TBC1D5: variants seen among roughly 807,000 people sequenced by gnomAD.
The protein encoded by TBC1D5 is TBC1 domain family, member 5.
Under a neutral mutation model 100.3 loss-of-function variants are expected in TBC1D5, and 75 were observed. That is an observed-to-expected ratio of 0.75 (90% CI 0.62 to 0.91). The LOEUF (loss-of-function observed/expected upper bound fraction) is 0.91, where lower values mean the gene tolerates loss of function less well. Among genes scored for constraint, TBC1D5 ranks in the 40% least tolerant of loss-of-function variants. The probability of loss-of-function intolerance (pLI) is 0.00; values close to 1 mark genes in which losing one functional copy is unlikely to be tolerated. For missense variants in TBC1D5, 910 were observed against 942.4 expected, an observed-to-expected ratio of 0.97 and a Z score of 0.45; for synonymous variants, 323 against 325.6, an observed-to-expected ratio of 0.99 and a Z score of 0.09.
At chr3:17,167,140 C>T (rs1025872336) in intron 20 of TBC1D5, among the ~76,000 whole-genome samples, 6 of 152,294 alleles carry the variant, frequency 3.9e-5, no homozygotes, top group African/African-American at 1.2e-4. Context: ...AACGTCAGGA[C>T]ATTTAATAGC....
intron 3 of TBC1D5, among the ~76,000 whole-genome samples, chr3:17,437,055 G>C (rs1300154447): frequency 4.6e-5 from 7 of 152,154 alleles, no homozygotes; most frequent in African/African-American, 1.7e-4. Context: ...CTACACTTAT[G>C]AATTAATTAA....
intron 2 of TBC1D5, among the ~76,000 whole-genome samples, chr3:17,533,209 C>T (rs768385013): frequency 6.6e-6 from 1 of 152,030 alleles, no homozygotes; most frequent in Non-Finnish European, 1.5e-5. Context: ...TCTATTTCCC[C>T]ATACAATTAA....
chr3:17,406,376 T>G (rs1177123239), intron 5 of TBC1D5, 42 bp downstream of exon 5: 21 of 1,564,210 alleles, frequency 1.3e-5, no homozygotes, highest in Non-Finnish European at 1.7e-5. Context: ...AATGTGTTGA[T>G]ATATTGCAAC....
chr3:17,350,333 A>G (rs746123337), intron 13 of TBC1D5, among the ~76,000 whole-genome samples: 2 of 152,208 alleles, frequency 1.3e-5, no homozygotes, highest in African/African-American at 2.4e-5. Context: ...GACAAAGAAT[A>G]AAAGTGATAG....
intron 13 of TBC1D5, among the ~76,000 whole-genome samples, chr3:17,329,589 A>C (rs185377944): frequency 2.4e-4 from 36 of 152,332 alleles, no homozygotes; most frequent in African/African-American, 8.4e-4. Flanking sequence ...TGTAAACTCA[A>C]TTTTGCAAAG....
intron 3 of TBC1D5, among the ~76,000 whole-genome samples, chr3:17,456,823 A>C (rs913802853): frequency 6.6e-6 from 1 of 152,234 alleles, no homozygotes; most frequent in Admixed American, 6.5e-5. Flanking sequence ...AAAAAGGAAC[A>C]AAGTACGGAT....
At chr3:17,281,995 A>G (rs936401704) in intron 15 of TBC1D5, among the ~76,000 whole-genome samples, 1 of 152,214 alleles carries the variant, frequency 6.6e-6, no homozygotes, top group Non-Finnish European at 1.5e-5. Flanking sequence ...CAGAAATACT[A>G]AGAAGTCCCT....
chr3:17,421,169 A>C (rs2094198505), intron 4 of TBC1D5, among the ~76,000 whole-genome samples: 1 of 152,246 alleles, frequency 6.6e-6, no homozygotes, highest in Non-Finnish European at 1.5e-5. Flanking sequence ...AGATACTATC[A>C]TAAAAATAAT....
chr3:17,255,540 C>T (rs1003133791), intron 16 of TBC1D5, among the ~76,000 whole-genome samples: 5 of 152,052 alleles, frequency 3.3e-5, no homozygotes, highest in Admixed American at 6.6e-5. Flanking sequence ...ATTCTTCATA[C>T]ATTAATGATA....
chr3:17,185,059 T>C (rs1270369920), intron 19 of TBC1D5, 50 bp downstream of exon 20: 11 of 1,521,794 alleles, frequency 7.2e-6, no homozygotes, highest in Non-Finnish European at 1.0e-5. Context: ...TGCTAGTGGC[T>C]ATTATTGTGA....
intron 2 of TBC1D5, among the ~76,000 whole-genome samples, chr3:17,595,942 C>T (rs1324319281): frequency 2.6e-5 from 4 of 152,164 alleles, no homozygotes; most frequent in African/African-American, 4.8e-5. Flanking sequence ...TAGGGTTGTG[C>T]ATCACTATTA....
At chr3:17,538,652 T>A (rs1202436234) in intron 2 of TBC1D5, among the ~76,000 whole-genome samples, 1 of 152,188 alleles carries the variant, frequency 6.6e-6, no homozygotes, top group African/African-American at 2.4e-5. Context: ...GAGGCAAGAA[T>A]CAAGTTGTTG....
At chr3:17,588,579 C>T (rs1188141282) in intron 2 of TBC1D5, among the ~76,000 whole-genome samples, 1 of 152,028 alleles carries the variant, frequency 6.6e-6, no homozygotes, top group East Asian at 1.9e-4. Context: ...AATTAACATG[C>T]ATATTTAACG....
At chr3:17,658,479 A>G (rs1006176055) in intron 1 of TBC1D5, among the ~76,000 whole-genome samples, 15 of 152,180 alleles carry the variant, frequency 9.9e-5, no homozygotes, top group African/African-American at 3.6e-4. Context: ...TAATAGGGGA[A>G]GGGAAGGGTA....
intron 15 of TBC1D5, among the ~76,000 whole-genome samples, chr3:17,279,063 T>C (rs977242655): frequency 2.0e-5 from 3 of 152,258 alleles, no homozygotes; most frequent in East Asian, 1.9e-4. Context: ...AATGTTACCA[T>C]TACCTTGAAG....
At chr3:17,718,812 TA>T (rs1415321900) in intron 1 of TBC1D5, among the ~76,000 whole-genome samples, 2 of 152,026 alleles carry the variant, frequency 1.3e-5, no homozygotes, top group African/African-American at 4.8e-5. Flanking sequence ...TACCATTTAA[TA>T]AATATATACA....
intron 8 of TBC1D5, among the ~76,000 whole-genome samples, chr3:17,388,689 A>AC (rs2152298304): frequency 6.6e-6 from 1 of 151,068 alleles, no homozygotes; most frequent in South Asian, 2.1e-4. Context: ...CCTTTACAAA[A>AC]AAAAAAAAAA....
rs1016166424 is a variant in TBC1D5, at chr3:17,721,464, T to C, written c.-101+17879A>G. ...AAAAGTAAGTGTGTGAGAGCATGTG[T>C]GTGTGTGTGTGTGTGTGTGTGTGTT... On this transcript the variant is annotated intron_variant, in intron 1 of 21. Coordinates refer to ENST00000253692, the Ensembl canonical transcript of TBC1D5. Among the ~76,000 whole-genome samples the C allele has an allele frequency of 3.4e-3, 455 of 133,652 alleles. 8 individuals are homozygous for C. Among genetic ancestry groups the C allele is most frequent in the South Asian group, 2.0e-3 (9 of 4,518 alleles). 87.7% of individuals were successfully genotyped at this position (133,652 alleles called of 152,430 possible). A position where few individuals can be genotyped will look rare whatever the true frequency, so the allele number is the denominator to read the frequency against.
intron 2 of TBC1D5, among the ~76,000 whole-genome samples, chr3:17,568,505 T>C (rs1172907120): frequency 1.3e-5 from 2 of 151,466 alleles, no homozygotes; most frequent in Non-Finnish European, 3.0e-5. Context: ...AACTAGGATA[T>C]TGCACTGGTT....
Sources: gnomAD v4.1 joint callset for allele counts (sites outside exome capture counted in the v4.1 genomes callset) on GRCh38, gnomAD v4.1.1 for gene constraint, MANE v1.5 for transcripts, NCBI Gene and HGNC (gene_info 2026-07-23, HGNC 2026-07-21) for gene names.